SLIT2: variants seen among roughly 807,000 people sequenced by gnomAD.
SLIT2 encodes the protein slit homolog 2 protein.
Under a neutral mutation model 185.7 loss-of-function variants are expected in SLIT2, and 41 were observed. The observed-to-expected ratio is 0.22, with a 90% CI of 0.17 to 0.29. The LOEUF (loss-of-function observed/expected upper bound fraction) is 0.29, where lower values mean the gene tolerates loss of function less well. Ranked by LOEUF, SLIT2 falls within the 10% of genes least tolerant of loss-of-function variation. SLIT2 has a pLI of 1.00. For synonymous variants in SLIT2, 693 were observed against 680.2 expected, an observed-to-expected ratio of 1.02 and a Z score of -0.29; for missense variants, 1,571 against 1,909.0, an observed-to-expected ratio of 0.82 and a Z score of 3.30.
At chr4:20,593,228 T>G (rs1727655496) in intron 30 of SLIT2, among the ~76,000 whole-genome samples, 1 of 152,142 alleles carries the variant, frequency 6.6e-6, no homozygotes, top group Non-Finnish European at 1.5e-5. Flanking sequence ...ACTATACTAA[T>G]TAATTTACAG....
chr4:20,255,806 C>G (rs1321586157), intron 1 of SLIT2, among the ~76,000 whole-genome samples: 1 of 152,066 alleles, frequency 6.6e-6, no homozygotes, highest in African/African-American at 2.4e-5. Context: ...ATCATTGAAA[C>G]AGTTTGAATA....
intron 33 of SLIT2, among the ~76,000 whole-genome samples, chr4:20,602,807 C>T (rs910630951): frequency 7.2e-5 from 11 of 152,106 alleles, no homozygotes; most frequent in South Asian, 2.1e-4. Context: ...TGGGAATATT[C>T]GCACCACAAA....
chr4:20,541,266 A>C (rs2148877196), intron 19 of SLIT2, among the ~76,000 whole-genome samples, 187 bp from the exon 20 acceptor site: 1 of 151,948 alleles, frequency 6.6e-6, no homozygotes, highest in Non-Finnish European at 1.5e-5. Flanking sequence ...CCAAGCATAA[A>C]TATTTTATCA....
intron 4 of SLIT2, among the ~76,000 whole-genome samples, chr4:20,293,816 G>A (rs1254841649): frequency 6.6e-6 from 1 of 152,164 alleles, no homozygotes; most frequent in East Asian, 1.9e-4. Flanking sequence ...CCTGGCCCGT[G>A]GAGAGAGAGC....
rs568300478 is a variant in SLIT2, at chr4:20,546,194, C to A, written c.2345+95C>A. 8 of 641,154 alleles carry A rather than the reference C, an allele frequency of 1.2e-5. No individual in the cohort carries two copies. The East Asian group carries it at 2.4e-4, about 19-fold the overall frequency. The allele number at this position is 641,154 out of a possible 1,614,324, so 39.7% of individuals were successfully genotyped here. The stretch of plus-strand genomic sequence containing the variant: ...GATTTAGTGAACCTTCCAGATAATA[C>A]AAATCATTCACAGTTAGATGCTTCC... On this transcript the variant is annotated intron_variant, in intron 22 of 36. Transcript: ENST00000504154.
rs137932237 is a variant in SLIT2 at position 20,473,365 on chromosome 4, G to A, written c.467+5542G>A. 2.5e-3 allele frequency among the ~76,000 whole-genome samples: 373 copies of A among 151,976 alleles called. 5 individuals are homozygous for A. Among genetic ancestry groups the A allele is most frequent in the African/African-American group, 8.6e-3 (357 of 41,490 alleles). On this transcript the variant is annotated intron_variant, in intron 5 of 36. Transcript: ENST00000504154. ...TGTACATGCATTACTTTTTAGACAAGGCTTTAAGTCAGTAGATGATTCAGT... is the reference window on the plus strand; with the variant it reads ...TGTACATGCATTACTTTTTAGACAAAGCTTTAAGTCAGTAGATGATTCAGT...
intron 4 of SLIT2, among the ~76,000 whole-genome samples, chr4:20,317,873 T>C (rs1453394284): frequency 6.6e-6 from 1 of 152,138 alleles, no homozygotes; most frequent in African/African-American, 2.4e-5. Flanking sequence ...CTACGTCTTC[T>C]TGTTGTGACT....
rs1435310875 is a variant in SLIT2 at position 20,617,414 on chromosome 4, ACTCCTGTGTTCCTC to A, written c.4137-20_4137-7del. 3 of 1,597,822 alleles carry A rather than the reference ACTCCTGTGTTCCTC, an allele frequency of 1.9e-6. No individual in the cohort carries two copies. Among genetic ancestry groups the A allele is most frequent in the Non-Finnish European group, 2.6e-6 (3 of 1,166,228 alleles). The stretch of plus-strand genomic sequence containing the variant: ...TACCTCCTCTTCTGAATGCATTCCC[ACTCCTGTGTTCCTC>A]CTCCCTGTAGATGCGTACATGGCAC... On this transcript the variant is annotated splice_polypyrimidine_tract_variant and intron_variant, in intron 35 of 36. Coordinates refer to ENST00000504154, the MANE Select transcript of SLIT2 (RefSeq NM_004787.4).
chr4:20,554,342 T>G (rs1423385206), intron 26 of SLIT2: 3 of 461,204 alleles, frequency 6.5e-6, no homozygotes, highest in Non-Finnish European at 1.3e-5. Flanking sequence ...TCATACCAGG[T>G]AAGGAGAAAC....
intron 29 of SLIT2, among the ~76,000 whole-genome samples, chr4:20,583,091 G>A (rs1027881828): frequency 1.3e-5 from 2 of 152,122 alleles, no homozygotes; most frequent in African/African-American, 4.8e-5. Flanking sequence ...TTAACAGTGG[G>A]GAACTGAAAC....
chr4:20,619,144 A>G lies in SLIT2; in HGVS notation c.*135A>G, dbSNP rs1430172213. The G allele has an allele frequency of 4.2e-6, 4 of 941,684 alleles. 1 individual carries two copies. The East Asian group carries it at 1.1e-4, about 27-fold the overall frequency. 58.3% of individuals were successfully genotyped at this position (941,684 alleles called of 1,614,324 possible). A position where few individuals can be genotyped will look rare whatever the true frequency, so the allele number is the denominator to read the frequency against. On this transcript the variant is annotated 3_prime_UTR_variant, in exon 37 of 37. Transcript: ENST00000504154. ...ACAGACTTATTTTTATTATGAGAATAAAGACTTTTTTTCTGCATTTGGAAA... is the reference window on the plus strand; with the variant it reads ...ACAGACTTATTTTTATTATGAGAATGAAGACTTTTTTTCTGCATTTGGAAA...
intron 4 of SLIT2, among the ~76,000 whole-genome samples, chr4:20,465,071 CA>C (rs930654914): frequency 3.3e-5 from 5 of 152,022 alleles, no homozygotes; most frequent in African/African-American, 1.2e-4. Context: ...CATCATTTTG[CA>C]AATAACAATT....
Position 20,253,581 on chromosome 4 carries a change from C to G in SLIT2, c.-235C>G. 1.7e-6 allele frequency: 1 copy of G among 582,310 alleles called. No homozygotes were observed. Among genetic ancestry groups the G allele is most frequent in the East Asian group, 2.9e-5 (1 of 35,008 alleles). 36.1% of individuals were successfully genotyped at this position (582,310 alleles called of 1,614,324 possible). On this transcript the variant is annotated 5_prime_UTR_variant, in exon 1 of 37. Coordinates refer to ENST00000504154, the MANE Select transcript of SLIT2 (RefSeq NM_004787.4). ...TGGCCAGGCGGATTCATCCTCAGGA[C>G]CTAAAGTTGCCCAAGGAGCTCCTGC...
In SLIT2 at chr4:20,596,556, A is replaced by C. The variant is rs1356710655; in HGVS notation, c.3462A>C (p.Glu1154Asp). 2 of 1,614,098 alleles carry C rather than the reference A, an allele frequency of 1.2e-6. No homozygotes were observed. The highest frequency in any genetic ancestry group is 2.2e-5 in the South Asian group (2 of 91,086). The change falls in exon 32 of 37, where the codon GAA becomes GAC. Residue 1154 changes from glutamate (E) to aspartate (D), a missense_variant. Glu to Asp is a conservative substitution (Grantham distance 45). Transcript: ENST00000504154. ...ICQCLPGYQG[E>D]KCEKLVSVNF... The stretch of plus-strand genomic sequence containing the variant: ...AGTGTTTGCCTGGCTATCAGGGAGA[A>C]AAGTGTGAAAAATTGGTTAGTGTGA...
chr4:20,618,862 G>A lies in SLIT2; in HGVS notation c.4443G>A (p.Glu1481=), dbSNP rs1244181275. Residue 1481 remains glutamate (E), a synonymous_variant, in exon 37 of 37, where the codon GAG becomes GAA. Coordinates refer to ENST00000504154, the MANE Select transcript of SLIT2 (RefSeq NM_004787.4). The part of the protein sequence containing the change: ...CQTTKKVSRL[E]CRGGCAGGQC... ...CAACCAAGAAGGTGTCCCGATTAGA[G>A]TGCAGAGGTGGGTGTGCAGGAGGGC... The A allele has an allele frequency of 6.2e-7, 1 of 1,614,162 alleles. No homozygotes were observed. The highest frequency in any genetic ancestry group is 2.2e-5 in the East Asian group (1 of 44,842).
intron 26 of SLIT2, among the ~76,000 whole-genome samples, chr4:20,562,271 C>G (rs548285556): frequency 1.3e-5 from 2 of 151,920 alleles, no homozygotes; most frequent in East Asian, 3.9e-4. Flanking sequence ...TCTCCTTCCT[C>G]TACAATCTCT....
At chr4:20,369,808 G>A (rs538054184) in intron 4 of SLIT2, among the ~76,000 whole-genome samples, 1 of 152,044 alleles carries the variant, frequency 6.6e-6, no homozygotes, top group Non-Finnish European at 1.5e-5. Flanking sequence ...GGAGGTATTT[G>A]AAGTTTCTGT....
At chr4:20,529,358 G>A (rs2168801) in intron 16 of SLIT2, among the ~76,000 whole-genome samples, 48,114 of 151,900 alleles carry the variant, frequency 0.32, 7,974 homozygotes, top group Middle Eastern at 0.43. Flanking sequence ...AATAACAATG[G>A]TATTTATTTG....
chr4:20,260,174 A>G (rs1240402766), intron 3 of SLIT2, among the ~76,000 whole-genome samples: 4 of 151,872 alleles, frequency 2.6e-5, no homozygotes, highest in Non-Finnish European at 5.9e-5. Context: ...TTCCATAATC[A>G]AACTGCTATG....
Sources: allele counts gnomAD v4.1 joint callset (sites outside exome capture counted in the v4.1 genomes callset), GRCh38; gene constraint gnomAD v4.1.1; transcripts MANE v1.5; gene names NCBI Gene and HGNC (gene_info 2026-07-23, HGNC 2026-07-21).